DACH1: variants seen among roughly 807,000 people sequenced by gnomAD.
The protein encoded by DACH1 is dachshund homolog 1.
A neutral mutation model predicts 54.2 loss-of-function variants in DACH1; 12 were observed. The observed-to-expected ratio is 0.22, with a 90% CI of 0.14 to 0.36. The LOEUF is 0.36. Among genes scored for constraint, DACH1 ranks in the 10% least tolerant of loss-of-function variants. DACH1 has a pLI of 1.00. For synonymous variants in DACH1, 386 were observed against 366.2 expected (o/e 1.05, Z -0.62); for missense variants, 805 against 929.8 (o/e 0.87, Z 1.75).
At chr13:71,458,897 T>C (rs887113481) in intron 10 of DACH1, among the ~76,000 whole-genome samples, 1 of 151,928 alleles carries the variant, frequency 6.6e-6, no homozygotes, top group Admixed American at 6.6e-5. Context: ...TGTTTCTGTA[T>C]ATCCCACTAG....
intron 1 of DACH1, among the ~76,000 whole-genome samples, chr13:71,717,210 A>G (rs984167218): frequency 1.3e-5 from 2 of 152,180 alleles, no homozygotes; most frequent in Non-Finnish European, 2.9e-5. Flanking sequence ...AAAAAATTTT[A>G]GTTTAAAAAT....
At chr13:71,748,984 T>G (rs1884801235) in intron 1 of DACH1, among the ~76,000 whole-genome samples, 1 of 148,970 alleles carries the variant, frequency 6.7e-6, no homozygotes, top group African/African-American at 2.5e-5. Flanking sequence ...CTTTCTTCTT[T>G]CCTTTTATTT....
intron 7 of DACH1, among the ~76,000 whole-genome samples, 194 bp from the exon 8 acceptor site, chr13:71,479,510 G>C (rs1877856188): frequency 6.6e-6 from 1 of 152,084 alleles, no homozygotes; most frequent in African/African-American, 2.4e-5. Context: ...ATTTTCGGAA[G>C]ACAAATATTT....
At chr13:71,718,283 T>A (rs1883073520) in intron 1 of DACH1, among the ~76,000 whole-genome samples, 1 of 151,714 alleles carries the variant, frequency 6.6e-6, no homozygotes, top group South Asian at 2.1e-4. Context: ...ACAGTTAGAC[T>A]TAAAAAAAAG....
rs17088326 is a variant in DACH1, at chr13:71,548,980, T to C, written c.1570+8044A>G. ...AATTTGGGGTAAATTCTCACTCAAA[T>C]AGACATAGTAAAAAATACACATAAC... On this transcript the variant is annotated intron_variant, in intron 6 of 10. Transcript: ENST00000613252. Among the ~76,000 whole-genome samples the C allele has an allele frequency of 1.0e-3, 154 of 152,016 alleles. 2 individuals are homozygous for C. The East Asian group carries it at 0.026, about 26-fold the overall frequency.
At chr13:71,685,521 A>C (rs921103955) in intron 1 of DACH1, among the ~76,000 whole-genome samples, 3 of 152,108 alleles carry the variant, frequency 2.0e-5, no homozygotes, top group African/African-American at 7.2e-5. Flanking sequence ...GTTATTCCCA[A>C]CTTCTTGGCT....
intron 2 of DACH1, among the ~76,000 whole-genome samples, chr13:71,643,615 G>A (rs1566401380): frequency 6.6e-6 from 1 of 152,130 alleles, no homozygotes. Context: ...GTTTAATTTT[G>A]TGAAGTATTA....
rs140195589 is a variant in DACH1, at chr13:71,754,263, A to G, written c.849-72353T>C. Among the ~76,000 whole-genome samples, 1,336 of 152,298 alleles carry G rather than the reference A, an allele frequency of 8.8e-3. 15 individuals carry two copies. The highest frequency in any genetic ancestry group is 0.013 in the Non-Finnish European group (899 of 68,028). On this transcript the variant is annotated intron_variant, in intron 1 of 10. Transcript: ENST00000613252. ...GCCCATTTCCCTTCTGGCATCGCCC[A>G]TGGCTCTGGATATAGATACTCCCAA...
chr13:71,497,223 T>G (rs1414116007), intron 6 of DACH1, among the ~76,000 whole-genome samples: 1 of 152,206 alleles, frequency 6.6e-6, no homozygotes, highest in Non-Finnish European at 1.5e-5. Flanking sequence ...AATGGATGAA[T>G]AATTAACAAA....
At chr13:71,726,666 T>A (rs9572773) in intron 1 of DACH1, among the ~76,000 whole-genome samples, 13,172 of 152,026 alleles carry the variant, frequency 0.087, 895 homozygotes, top group East Asian at 0.21. Flanking sequence ...AAATATCATG[T>A]ATAAAATAGT....
At chr13:71,826,029 T>C (rs1447778420) in intron 1 of DACH1, among the ~76,000 whole-genome samples, 1 of 152,072 alleles carries the variant, frequency 6.6e-6, no homozygotes, top group Non-Finnish European at 1.5e-5. Flanking sequence ...TCCACTGCCT[T>C]TGGCATATCA....
chr13:71,573,018 A>G lies in DACH1; in HGVS notation c.1127-6T>C. ...CATAAAAGGAAGTTCCAGTCCTATA[A>G]AAAATGCACATATATCATCATTGCT... is the stretch of plus-strand genomic sequence containing the variant. On this transcript the variant is annotated splice_polypyrimidine_tract_variant and splice_region_variant and intron_variant, in intron 3 of 10. Transcript: ENST00000613252. 1 of 1,612,814 alleles carries G rather than the reference A, an allele frequency of 6.2e-7. No individual in the cohort carries two copies. Among genetic ancestry groups the G allele is most frequent in the Non-Finnish European group, 8.5e-7 (1 of 1,179,410 alleles).
intron 1 of DACH1, among the ~76,000 whole-genome samples, chr13:71,735,428 CACGTATACGGATATACGT>C: frequency 6.9e-5 from 2 of 28,994 alleles, no homozygotes; most frequent in African/African-American, 1.7e-4. Context: ...ATGGGATATA[CACGTATACGGATATACGT>C]GTATATGGGA....
At chr13:71,583,793 C>T (rs993321798) in intron 3 of DACH1, among the ~76,000 whole-genome samples, 3 of 152,140 alleles carry the variant, frequency 2.0e-5, no homozygotes, top group Non-Finnish European at 2.9e-5. Context: ...CATGACCATG[C>T]CGCTGCATTC....
intron 7 of DACH1, among the ~76,000 whole-genome samples, chr13:71,482,470 A>C (rs1047322068): frequency 6.3e-4 from 96 of 152,344 alleles, no homozygotes; most frequent in African/African-American, 2.2e-3. Context: ...CTCATGTGAT[A>C]AAATTTGTTC....
At chr13:71,506,785 G>A (rs1194409055) in intron 6 of DACH1, among the ~76,000 whole-genome samples, 5 of 151,942 alleles carry the variant, frequency 3.3e-5, no homozygotes, top group East Asian at 3.9e-4. Context: ...TGATAAACCT[G>A]AGAAAAACAA....
chr13:71,507,730 A>T (rs956323283), intron 6 of DACH1, among the ~76,000 whole-genome samples: 3 of 152,200 alleles, frequency 2.0e-5, no homozygotes, highest in African/African-American at 4.8e-5. Flanking sequence ...TAATCAGGAC[A>T]CAATTCTTAC....
At chr13:71,645,448 G>C (rs894103420) in intron 2 of DACH1, among the ~76,000 whole-genome samples, 4 of 152,160 alleles carry the variant, frequency 2.6e-5, no homozygotes, top group Non-Finnish European at 5.9e-5. Flanking sequence ...TTCTTTAAGA[G>C]AAAAAGCCTG....
chr13:71,498,305 T>A (rs776564978), intron 6 of DACH1, among the ~76,000 whole-genome samples: 3 of 152,174 alleles, frequency 2.0e-5, no homozygotes, highest in African/African-American at 7.2e-5. Flanking sequence ...TAAGTACTTA[T>A]TAATATTTAC....
Sources: gnomAD v4.1 joint callset for allele counts (sites outside exome capture counted in the v4.1 genomes callset) on GRCh38, gnomAD v4.1.1 for gene constraint, MANE v1.5 for transcripts, NCBI Gene and HGNC (gene_info 2026-07-23, HGNC 2026-07-21) for gene names.